Variants in SAMD5 observed in about 807,000 individuals in gnomAD.
SAMD5 encodes the protein sterile alpha motif domain containing 5.
SAMD5 carries 13 observed loss-of-function variants against 11.3 expected under a neutral mutation model. That is an observed-to-expected ratio of 1.15 (90% confidence interval 0.75 to 1.83). The LOEUF (loss-of-function observed/expected upper bound fraction) is 1.83. Ranked by LOEUF, SAMD5 falls within the 40% of genes most tolerant of loss-of-function variation. The probability of loss-of-function intolerance (pLI) is 0.00; values close to 1 mark genes in which losing one functional copy is unlikely to be tolerated. For synonymous variants in SAMD5, 129 were observed against 111.3 expected, an observed-to-expected ratio of 1.16 and a Z score of -1.00; for missense variants, 255 against 239.1, an observed-to-expected ratio of 1.07 and a Z score of -0.44.
At chr6:147,553,383 C>T (rs1308001849) in intron 1 of SAMD5, among the ~76,000 whole-genome samples, 1 of 152,184 alleles carries the variant, frequency 6.6e-6, no homozygotes, top group African/African-American at 2.4e-5. Context: ...CTGGGGAATA[C>T]CTAGAGGCTG....
At chr6:147,859,804 A>G in the SAMD5 span, among the ~76,000 whole-genome samples, 1 of 152,078 alleles carries the variant, frequency 6.6e-6, no homozygotes, top group Non-Finnish European at 1.5e-5. Flanking sequence ...CCAAACTGCT[A>G]AAAATTTATC....
intron 1 of SAMD5, among the ~76,000 whole-genome samples, chr6:147,688,768 C>T (rs1036812055): frequency 6.6e-6 from 1 of 152,186 alleles, no homozygotes; most frequent in Non-Finnish European, 1.5e-5. Context: ...CATTAACTCC[C>T]CAACACTTAA....
At chr6:147,587,825 T>G (rs963583508) in intron 1 of SAMD5, among the ~76,000 whole-genome samples, 1 of 152,186 alleles carries the variant, frequency 6.6e-6, no homozygotes, top group Non-Finnish European at 1.5e-5. Flanking sequence ...TCACTTATTT[T>G]GTTAAGTTCC....
chr6:147,579,890 C>T (rs938991121), intron 1 of SAMD5, among the ~76,000 whole-genome samples: 1 of 152,188 alleles, frequency 6.6e-6, no homozygotes, highest in Admixed American at 6.5e-5. Flanking sequence ...GGAATCCTTA[C>T]TCTGTGCCAG....
At chr6:147,715,414 A>C (rs1791453028) in intron 1 of SAMD5, among the ~76,000 whole-genome samples, 1 of 152,204 alleles carries the variant, frequency 6.6e-6, no homozygotes. Context: ...TACTGCAAGC[A>C]GCTTCCACAG....
chr6:147,621,418 G>T (rs1789963409), intron 1 of SAMD5, among the ~76,000 whole-genome samples: 1 of 152,160 alleles, frequency 6.6e-6, no homozygotes, highest in African/African-American at 2.4e-5. Flanking sequence ...GAGAGTCAGG[G>T]ATGATGCCAG....
At chr6:147,917,050 A>G in the SAMD5 span, among the ~76,000 whole-genome samples, 5 of 132,512 alleles carry the variant, frequency 3.8e-5, no homozygotes, top group African/African-American at 1.6e-4. Context: ...AGCATGATTT[A>G]TAGTCCTTTG....
intron 1 of SAMD5, among the ~76,000 whole-genome samples, chr6:147,532,460 A>G (rs1379084292): frequency 1.3e-5 from 2 of 152,216 alleles, no homozygotes; most frequent in African/African-American, 2.4e-5. Flanking sequence ...AGTTGCTGCA[A>G]AAAACATTAT....
At chr6:147,595,521 C>T (rs1394604068) in intron 1 of SAMD5, among the ~76,000 whole-genome samples, 4 of 134,776 alleles carry the variant, frequency 3.0e-5, no homozygotes, top group African/African-American at 6.4e-5. Context: ...GACTAAACTA[C>T]CTTTTTTTTT....
intron 1 of SAMD5, among the ~76,000 whole-genome samples, chr6:147,714,059 T>C (rs1157283939): frequency 6.6e-6 from 1 of 152,156 alleles, no homozygotes; most frequent in East Asian, 1.9e-4. Flanking sequence ...GAACATAAAG[T>C]TTATATTAAA....
At chr6:147,906,930 A>G in the SAMD5 span, among the ~76,000 whole-genome samples, 2 of 151,966 alleles carry the variant, frequency 1.3e-5, no homozygotes, top group South Asian at 4.1e-4. Context: ...GTCCTGACAA[A>G]TAGTTTTTTC....
intron 1 of SAMD5, among the ~76,000 whole-genome samples, chr6:147,701,431 G>A (rs961975694): frequency 6.6e-6 from 1 of 152,118 alleles, no homozygotes; most frequent in African/African-American, 2.4e-5. Context: ...GCCAGGAGTT[G>A]GAGACCCGCC....
At chr6:147,555,703 G>T (rs189504367) in intron 1 of SAMD5, among the ~76,000 whole-genome samples, 1 of 152,182 alleles carries the variant, frequency 6.6e-6, no homozygotes. Context: ...TCAATCAAAA[G>T]TTGAAGATTG....
the SAMD5 span, among the ~76,000 whole-genome samples, chr6:147,820,842 T>C: frequency 6.6e-6 from 1 of 152,180 alleles, no homozygotes; most frequent in Non-Finnish European, 1.5e-5. Context: ...ATGGGCTCGC[T>C]CTGTGGCCAC....
chr6:147,670,251 TAGGC>T (rs1444932287), intron 1 of SAMD5, among the ~76,000 whole-genome samples: 1 of 152,228 alleles, frequency 6.6e-6, no homozygotes, highest in African/African-American at 2.4e-5. Flanking sequence ...GATGTGTTGT[TAGGC>T]AGGCTTTGTT....
At chr6:147,570,204 TAAA>T (rs1789115561), downstream of SAMD5, among the ~76,000 whole-genome samples, 1 of 152,146 alleles carries the variant, frequency 6.6e-6, no homozygotes, top group Non-Finnish European at 1.5e-5. Context: ...CAAAGTGAAA[TAAA>T]TCCATCTTAC....
At chr6:147,734,744 A>AAAAAAAAAAT (rs1791770393) in intron 1 of SAMD5, among the ~76,000 whole-genome samples, 1 of 118,618 alleles carries the variant, frequency 8.4e-6, no homozygotes, top group Non-Finnish European at 1.8e-5. Flanking sequence ...AAAAAAAAAG[A>AAAAAAAAAAT]TTTAGAACAC....
chr6:147,582,432 C>T (rs891315561), intron 1 of SAMD5, among the ~76,000 whole-genome samples: 2 of 152,044 alleles, frequency 1.3e-5, no homozygotes, highest in Admixed American at 6.6e-5. Flanking sequence ...CCGGCTTTGC[C>T]AAAACTAATT....
the SAMD5 span, among the ~76,000 whole-genome samples, chr6:147,750,288 T>G: frequency 2.6e-5 from 4 of 152,272 alleles, no homozygotes; most frequent in Middle Eastern, 3.4e-3. Context: ...AATGTGCATC[T>G]TTTTAGATGA....
Sources: gnomAD v4.1 joint callset for allele counts (sites outside exome capture counted in the v4.1 genomes callset) on GRCh38, gnomAD v4.1.1 for gene constraint, MANE v1.5 for transcripts, NCBI Gene and HGNC (gene_info 2026-07-23, HGNC 2026-07-21) for gene names.